CMYA5: variants seen among roughly 807,000 people sequenced by gnomAD.
The protein encoded by CMYA5 is cardiomyopathy-associated protein 5.
A neutral mutation model predicts 318.9 loss-of-function variants in CMYA5; 246 were observed. The ratio of observed to expected loss-of-function variants is 0.77; its 90% confidence interval spans 0.70 to 0.86. CMYA5 has a LOEUF of 0.86. CMYA5 is among the 40% of genes least tolerant of loss of function. The probability of loss-of-function intolerance (pLI) is 0.00; values close to 1 mark genes in which losing one functional copy is unlikely to be tolerated. For missense variants in CMYA5, 4,589 were observed against 4,678.2 expected, an observed-to-expected ratio of 0.98 and a Z score of 0.56; for synonymous variants, 1,641 against 1,729.5, an observed-to-expected ratio of 0.95 and a Z score of 1.27.
At chr5:79,790,332 C>T (rs760109074) in intron 10 of CMYA5, among the ~76,000 whole-genome samples, 7 of 152,008 alleles carry the variant, frequency 4.6e-5, no homozygotes, top group East Asian at 1.9e-4. Context: ...TGCAATGGCA[C>T]GATCTCGGCT....
At chr5:79,776,656 GC>G (rs552261137) in intron 9 of CMYA5, among the ~76,000 whole-genome samples, 330 of 152,248 alleles carry the variant, frequency 2.2e-3, no homozygotes, top group African/African-American at 7.7e-3. Flanking sequence ...GGGGAACACT[GC>G]CTTACCAGCT....
Position 79,736,098 on chromosome 5 carries a change from G to A in CMYA5, c.7333G>A (p.Glu2445Lys). The A allele has an allele frequency of 2.5e-6, 4 of 1,612,760 alleles. No individual in the cohort carries two copies. Reference sequence around the variant, plus strand: ...TACTTCCTTGAAAATTTCTGAAGAGGAAACAAAACTCAGGTCTGTTAGTCC... The same window carrying A: ...TACTTCCTTGAAAATTTCTGAAGAGAAAACAAAACTCAGGTCTGTTAGTCC... ...NPTSLKISEE[E>K]TKLRSVSPTE... The change falls in exon 2 of 13, where the codon GAA becomes AAA. Residue 2445 changes from glutamate to lysine, a missense_variant. Glu to Lys is a moderately conservative substitution (Grantham distance 56). Coordinates refer to ENST00000446378, the MANE Select transcript of CMYA5 (RefSeq NM_153610.5).
At position 79,735,504 on chromosome 5, in the gene CMYA5, G is replaced by A. The variant is rs1828037843; in HGVS notation, c.6739G>A (p.Asp2247Asn). 5 of 1,613,638 alleles carry A rather than the reference G, an allele frequency of 3.1e-6. No individual in the cohort carries two copies. Among genetic ancestry groups the A allele is most frequent in the South Asian group, 1.1e-5 (1 of 90,988 alleles). ...ATCAGAGGTAAAACTTAAAACTGCT[G>A]ATGAACCCAGAGGTACTTTAGTAAA... ...SLSEVKLKTA[D>N]EPRGTLVKSG... is the part of the protein sequence containing the mutation. The change falls in exon 2 of 13, where the codon GAT becomes AAT. Residue 2247 changes from aspartate to asparagine, a missense_variant. Around this residue, in one of 3 missense-constraint regions of CMYA5, gnomAD observed 2,431 missense variants for 2,495.1 expected, o/e 0.97. Coordinates refer to ENST00000446378, the MANE Select transcript of CMYA5 (RefSeq NM_153610.5).
At chr5:79,724,652 G>A (rs1488174262) in intron 1 of CMYA5, among the ~76,000 whole-genome samples, 1 of 152,172 alleles carries the variant, frequency 6.6e-6, no homozygotes, top group African/African-American at 2.4e-5. Flanking sequence ...TGGATGAGAT[G>A]ATTTTCATAG....
rs1561215507 is a variant in CMYA5 at position 79,742,053 on chromosome 5, CTTCTTCTTCTTCTTCTTCTTCTTCT to C, written c.10639-1772_10639-1748del. 3.2e-3 allele frequency among the ~76,000 whole-genome samples: 351 copies of C among 108,614 alleles called. 4 individuals are homozygous for C. Among genetic ancestry groups the C allele is most frequent in the African/African-American group, 9.4e-3 (340 of 36,182 alleles). 71.3% of individuals were successfully genotyped at this position (108,614 alleles called of 152,430 possible). A position where few individuals can be genotyped will look rare whatever the true frequency, so the allele number is the denominator to read the frequency against. ...CCTCCTCCTCCCTCTTTCTCCTCTT[CTTCTTCTTCTTCTTCTTCTTCTTCT>C]TCTTCTTCTTCTTCTTCTTCTTTCT... On this transcript the variant is annotated intron_variant, in intron 2 of 12. Coordinates refer to ENST00000446378, the MANE Select transcript of CMYA5 (RefSeq NM_153610.5).
At chr5:79,742,873 G>A (rs527793117) in intron 2 of CMYA5, among the ~76,000 whole-genome samples, 3 of 152,270 alleles carry the variant, frequency 2.0e-5, no homozygotes, top group South Asian at 4.1e-4. Flanking sequence ...GGTAGGAAGG[G>A]GAATGTTAGC....
At chr5:79,755,608 T>C (rs1227931770) in intron 6 of CMYA5, among the ~76,000 whole-genome samples, 1 of 152,168 alleles carries the variant, frequency 6.6e-6, no homozygotes, top group Non-Finnish European at 1.5e-5. Flanking sequence ...TATTCAAGTT[T>C]ATTACTGTAA....
At chr5:79,792,461 A>G (rs1392145748) in intron 11 of CMYA5, among the ~76,000 whole-genome samples, 1 of 152,220 alleles carries the variant, frequency 6.6e-6, no homozygotes, top group Non-Finnish European at 1.5e-5. Flanking sequence ...AATGTGTTTT[A>G]TAGAATTTTA....
chr5:79,693,970 A>T (rs1827020798), intron 1 of CMYA5, among the ~76,000 whole-genome samples: 1 of 152,224 alleles, frequency 6.6e-6, no homozygotes, highest in Non-Finnish European at 1.5e-5. Context: ...ATTTGAGCAG[A>T]TACTGAAGGA....
rs764801405 is a variant in CMYA5 at position 79,736,884 on chromosome 5, C to T, written c.8119C>T (p.Pro2707Ser). The change falls in exon 2 of 13, where the codon CCA (proline) becomes TCA (serine). Residue 2707 changes from proline to serine, a missense_variant. Around this residue, in one of 3 missense-constraint regions of CMYA5, gnomAD observed 2,431 missense variants for 2,495.1 expected, o/e 0.97. Coordinates refer to ENST00000446378, the MANE Select transcript of CMYA5 (RefSeq NM_153610.5). ...GFQEKAVGTQ[P>S]RPLEESKVLV... ...TCAAGAAAAGGCAGTAGGAACCCAA[C>T]CACGTCCTTTAGAAGAAAGTAAAGT... 5 of 1,612,764 alleles carry T rather than the reference C, an allele frequency of 3.1e-6. No homozygotes were observed. The East Asian group carries it at 1.1e-4, about 36-fold the overall frequency.
At chr5:79,690,175 C>T in intron 1 of CMYA5, 119 bp downstream of exon 1, 1 of 1,316,992 alleles carries the variant, frequency 7.6e-7, no homozygotes, top group South Asian at 1.8e-5. Flanking sequence ...CACTTTCTCT[C>T]TGGGTGCACT....
At chr5:79,767,173 G>A (rs971162238) in intron 9 of CMYA5, among the ~76,000 whole-genome samples, 1 of 152,116 alleles carries the variant, frequency 6.6e-6, no homozygotes, top group African/African-American at 2.4e-5. Context: ...ATTTTTTATT[G>A]CATCTATTTG....
intron 6 of CMYA5, among the ~76,000 whole-genome samples, chr5:79,753,052 TCTC>T (rs1435409552): frequency 6.6e-6 from 1 of 151,790 alleles, no homozygotes; most frequent in East Asian, 1.9e-4. Context: ...AACCAAAGGG[TCTC>T]CTCTTTTTTT....
chr5:79,699,840 T>G (rs1465272837), intron 1 of CMYA5, among the ~76,000 whole-genome samples: 1 of 152,194 alleles, frequency 6.6e-6, no homozygotes, highest in Non-Finnish European at 1.5e-5. Flanking sequence ...TGAAACCAAA[T>G]GTGGAGTTAA....
chr5:79,761,833 G>C lies in CMYA5; in HGVS notation c.11283G>C (p.Leu3761=). The change falls in exon 8 of 13, where the codon CTG becomes CTC. Residue 3761 remains leucine, a synonymous_variant. Transcript: ENST00000446378. Reference sequence around the variant, plus strand: ...TAGAGTTGGTAGAAGAATACAGACTGACAGTGAAAGAAAGCTACTGCATTT... The same window carrying C: ...TAGAGTTGGTAGAAGAATACAGACTCACAGTGAAAGAAAGCTACTGCATTT... The part of the protein sequence containing the change: ...EVNELVEEYR[L]TVKESYCIFE... 2.5e-6 allele frequency: 4 copies of C among 1,613,508 alleles called. No homozygotes were observed. The highest frequency in any genetic ancestry group is 3.4e-6 in the Non-Finnish European group (4 of 1,179,696).
intron 4 of CMYA5, among the ~76,000 whole-genome samples, chr5:79,746,418 G>A (rs191623393): frequency 2.6e-5 from 4 of 152,182 alleles, no homozygotes. Flanking sequence ...TTAAGGCAAA[G>A]CTTCTTATTC....
chr5:79,711,023 A>C (rs1214483583), intron 1 of CMYA5, among the ~76,000 whole-genome samples: 1 of 152,216 alleles, frequency 6.6e-6, no homozygotes, highest in Non-Finnish European at 1.5e-5. Flanking sequence ...TATAAAAACA[A>C]AGCTATTGAA....
In CMYA5 at chr5:79,725,760, C is replaced by T. The variant is rs186047676; in HGVS notation, c.150-3155C>T. On this transcript the variant is annotated intron_variant, in intron 1 of 12. Coordinates refer to ENST00000446378, the MANE Select transcript of CMYA5 (RefSeq NM_153610.5). ...TCTACTGAAAATACAAAAAATTAGCCGGGCGTTATGACACGCACCTGTAAT... is the reference window on the plus strand; with the variant it reads ...TCTACTGAAAATACAAAAAATTAGCTGGGCGTTATGACACGCACCTGTAAT... 1.1e-3 allele frequency among the ~76,000 whole-genome samples: 169 copies of T among 152,212 alleles called. 1 individual carries two copies. In the Middle Eastern group the frequency reaches 0.014, roughly 12 times the overall value.
intron 1 of CMYA5, among the ~76,000 whole-genome samples, chr5:79,718,832 A>G (rs767153935): frequency 2.8e-4 from 43 of 152,274 alleles, no homozygotes; most frequent in Middle Eastern, 3.4e-3. Context: ...AATACTCACC[A>G]TTGCATTACA....
Sources: allele counts gnomAD v4.1 joint callset (sites outside exome capture counted in the v4.1 genomes callset), GRCh38; gene constraint gnomAD v4.1.1; regional missense constraint gnomAD v4.1.1; transcripts MANE v1.5; gene names NCBI Gene and HGNC (gene_info 2026-07-23, HGNC 2026-07-21).